SLMAP: variants seen among roughly 807,000 people sequenced by gnomAD.
SLMAP encodes sarcolemma associated protein.
In SLMAP, 44 loss-of-function variants were observed where a neutral mutation model predicts 128.8. The observed-to-expected ratio is 0.34, with a 90% CI of 0.27 to 0.44. SLMAP has a LOEUF of 0.44. Among genes scored for constraint, SLMAP ranks in the 20% least tolerant of loss-of-function variants. The pLI, the probability that SLMAP is intolerant of heterozygous loss-of-function variation, is 1.00. For missense variants in SLMAP, 787 were observed against 985.3 expected (o/e 0.80, Z 2.69); for synonymous variants, 327 against 348.8 (o/e 0.94, Z 0.70).
chr3:57,870,780 C>T (rs2153615745), intron 13 of SLMAP, among the ~76,000 whole-genome samples: 1 of 152,244 alleles, frequency 6.6e-6, no homozygotes, highest in Admixed American at 6.5e-5. Context: ...TCACACTTTC[C>T]AAGTAGTCAT....
At chr3:57,789,873 G>T (rs2085060931) in intron 2 of SLMAP, among the ~76,000 whole-genome samples, 1 of 152,098 alleles carries the variant, frequency 6.6e-6, no homozygotes, top group African/African-American at 2.4e-5. Flanking sequence ...GTCTCACTCT[G>T]TCGCCCAGGC....
intron 4 of SLMAP, among the ~76,000 whole-genome samples, chr3:57,844,624 A>T (rs2094149271): frequency 1.3e-5 from 2 of 150,170 alleles, no homozygotes; most frequent in African/African-American, 2.4e-5. Flanking sequence ...TATTAATGGG[A>T]TTGTTATGAG....
intron 5 of SLMAP, among the ~76,000 whole-genome samples, chr3:57,848,320 C>G (rs553932971): frequency 1.3e-5 from 2 of 150,114 alleles, no homozygotes; most frequent in East Asian, 4.0e-4. Context: ...CCCTTCTTCT[C>G]CCCCTTCTCC....
chr3:57,889,883 C>G, intron 14 of SLMAP, 158 bp from the exon 15 acceptor site: 1 of 532,052 alleles, frequency 1.9e-6, no homozygotes, highest in Non-Finnish European at 3.4e-6. Context: ...AGTTCCAGTT[C>G]TCTTAGTTCC....
chr3:57,790,805 G>T (rs1200662272), intron 2 of SLMAP, among the ~76,000 whole-genome samples: 1 of 152,094 alleles, frequency 6.6e-6, no homozygotes, highest in Non-Finnish European at 1.5e-5. Flanking sequence ...TTAAGTAGAA[G>T]ATAAGTTATT....
At chr3:57,776,033 T>G (rs1180474179) in intron 2 of SLMAP, among the ~76,000 whole-genome samples, 3 of 152,218 alleles carry the variant, frequency 2.0e-5, no homozygotes, top group African/African-American at 7.2e-5. Context: ...TTAAATAGAT[T>G]TGTGGAAAAG....
chr3:57,875,680 G>A (rs558733648), intron 14 of SLMAP, among the ~76,000 whole-genome samples: 4 of 152,316 alleles, frequency 2.6e-5, no homozygotes, highest in African/African-American at 9.6e-5. Flanking sequence ...GTAGCAAGTA[G>A]TAAGAATTTG....
At chr3:57,845,320 A>G (rs1217660947) in intron 4 of SLMAP, among the ~76,000 whole-genome samples, 1 of 152,230 alleles carries the variant, frequency 6.6e-6, no homozygotes, top group African/African-American at 2.4e-5. Flanking sequence ...TGTAGGCTCA[A>G]TGAAGTCTGT....
intron 2 of SLMAP, among the ~76,000 whole-genome samples, chr3:57,820,652 GCC>G (rs2092417821): frequency 2.0e-5 from 3 of 152,184 alleles, no homozygotes; most frequent in African/African-American, 7.2e-5. Flanking sequence ...AATTGATTCT[GCC>G]CTCCTAGCGA....
chr3:57,783,214 G>A (rs939892935), intron 2 of SLMAP, among the ~76,000 whole-genome samples: 2 of 152,194 alleles, frequency 1.3e-5, no homozygotes, highest in Non-Finnish European at 1.5e-5. Flanking sequence ...TGAGAGCTCC[G>A]AAGAAGGGGA....
At chr3:57,817,141 T>G (rs373132211) in intron 2 of SLMAP, among the ~76,000 whole-genome samples, 1 of 152,156 alleles carries the variant, frequency 6.6e-6, no homozygotes, top group East Asian at 1.9e-4. Context: ...AAGTCTAGCA[T>G]CAGTGTGGAG....
chr3:57,768,343 C>G (rs1313641957), intron 2 of SLMAP, among the ~76,000 whole-genome samples: 1 of 152,088 alleles, frequency 6.6e-6, no homozygotes, highest in Non-Finnish European at 1.5e-5. Flanking sequence ...CTAGCTGAGC[C>G]AAGCAGAAAG....
chr3:57,807,247 A>G (rs188461164), intron 2 of SLMAP, among the ~76,000 whole-genome samples: 204 of 152,290 alleles, frequency 1.3e-3, no homozygotes, highest in Admixed American at 2.5e-3. Flanking sequence ...AGTTCCTTAT[A>G]GATTCTGGAT....
chr3:57,820,708 A>G (rs2092425190), intron 2 of SLMAP, among the ~76,000 whole-genome samples: 1 of 152,220 alleles, frequency 6.6e-6, no homozygotes, highest in Non-Finnish European at 1.5e-5. Context: ...GGAGATAGGT[A>G]AGCAAACCTT....
intron 8 of SLMAP, among the ~76,000 whole-genome samples, chr3:57,859,245 C>T (rs1013717471): frequency 1.4e-5 from 2 of 148,042 alleles, no homozygotes; most frequent in Admixed American, 6.9e-5. Flanking sequence ...TGCTTAAACC[C>T]GGTGGGGGTG....
At chr3:57,809,178 C>T (rs1182774867) in intron 2 of SLMAP, among the ~76,000 whole-genome samples, 1 of 152,206 alleles carries the variant, frequency 6.6e-6, no homozygotes, top group Non-Finnish European at 1.5e-5. Flanking sequence ...CCTCACACCC[C>T]CAGGTGCAGC....
intron 2 of SLMAP, among the ~76,000 whole-genome samples, chr3:57,828,940 C>T (rs1256064468): frequency 6.6e-6 from 1 of 151,890 alleles, no homozygotes; most frequent in African/African-American, 2.4e-5. Flanking sequence ...ACCACCATGC[C>T]CAGCTGATTT....
At chr3:57,817,742 G>A (rs1166319125) in intron 2 of SLMAP, among the ~76,000 whole-genome samples, 1 of 152,212 alleles carries the variant, frequency 6.6e-6, no homozygotes, top group Non-Finnish European at 1.5e-5. Context: ...ATGAGCAAAA[G>A]CTAGTTCCCT....
At chr3:57,876,193 T>C (rs569436044) in intron 14 of SLMAP, among the ~76,000 whole-genome samples, 22 of 152,382 alleles carry the variant, frequency 1.4e-4, no homozygotes, top group Non-Finnish European at 1.2e-4. Context: ...AGGTTTTCCA[T>C]GTCTGTCTTT....
Sources: gnomAD v4.1 joint callset for allele counts (sites outside exome capture counted in the v4.1 genomes callset) on GRCh38, gnomAD v4.1.1 for gene constraint, MANE v1.5 for transcripts, NCBI Gene and HGNC (gene_info 2026-07-23, HGNC 2026-07-21) for gene names.